Variants in PPP2R3A observed in about 807,000 individuals in gnomAD.
PPP2R3A encodes serine/threonine-protein phosphatase 2A regulatory subunit B'' subunit alpha.
A neutral mutation model predicts 106.9 loss-of-function variants in PPP2R3A; 80 were observed. The ratio of observed to expected loss-of-function variants is 0.75; its 90% CI spans 0.62 to 0.90. The LOEUF (loss-of-function observed/expected upper bound fraction) is 0.90, where lower values mean the gene tolerates loss of function less well. Among genes scored for constraint, PPP2R3A ranks in the 40% least tolerant of loss-of-function variants. The pLI is 0.00. For synonymous variants in PPP2R3A, 483 were observed against 468.3 expected (o/e 1.03, Z -0.41); for missense variants, 1,386 against 1,350.4 (o/e 1.03, Z -0.41).
At chr3:135,983,955 CT>C (rs566911173) in intron 1 of PPP2R3A, among the ~76,000 whole-genome samples, 88 of 152,202 alleles carry the variant, frequency 5.8e-4, no homozygotes, top group Non-Finnish European at 3.2e-4. Flanking sequence ...TCTGTTATGA[CT>C]TTTTTTATAG....
chr3:136,069,251 A>G (rs549667775), intron 5 of PPP2R3A, among the ~76,000 whole-genome samples: 7 of 152,298 alleles, frequency 4.6e-5, no homozygotes, highest in African/African-American at 1.7e-4. Context: ...AAATTTTTCT[A>G]TAATAATTTT....
At chr3:136,099,924 A>AG in intron 10 of PPP2R3A, among the ~76,000 whole-genome samples, 1 of 151,888 alleles carries the variant, frequency 6.6e-6, no homozygotes, top group Non-Finnish European at 1.5e-5. Context: ...TCTTAAAAAA[A>AG]AAAAAAAAAG....
In PPP2R3A at chr3:136,145,024, TTTTGC is replaced by T. The variant is rs779443548; in HGVS notation, c.3330-14_3330-10del. 2.5e-6 allele frequency: 4 copies of T among 1,602,560 alleles called. No individual in the cohort carries two copies. The South Asian group carries it at 4.5e-5, about 18-fold the overall frequency. ...TTAATCAATCAATCAGTTAATTCAC[TTTTGC>T]TTTGTTATTTCAGCTTTGAAGATTA... On this transcript the variant is annotated splice_polypyrimidine_tract_variant and intron_variant, in intron 13 of 13. Coordinates refer to ENST00000264977, the MANE Select transcript of PPP2R3A (RefSeq NM_002718.5).
intron 1 of PPP2R3A, among the ~76,000 whole-genome samples, chr3:135,997,889 C>G (rs1020461935): frequency 6.6e-6 from 1 of 152,206 alleles, no homozygotes; most frequent in African/African-American, 2.4e-5. Context: ...TAATCGATTT[C>G]TAGGTCTTCA....
chr3:136,078,314 G>A, intron 6 of PPP2R3A, 53 bp from the exon 7 acceptor site: 1 of 1,254,814 alleles, frequency 8.0e-7, no homozygotes, highest in Middle Eastern at 1.9e-4. Context: ...CTTTGAGAAA[G>A]TAGTGGAGAT....
At chr3:136,013,082 A>G (rs1378397740) in intron 2 of PPP2R3A, among the ~76,000 whole-genome samples, 1 of 152,012 alleles carries the variant, frequency 6.6e-6, no homozygotes, top group African/African-American at 2.4e-5. Flanking sequence ...CACCTACAAT[A>G]GTAGTCTCCA....
chr3:136,086,081 T>C, intron 8 of PPP2R3A, among the ~76,000 whole-genome samples: 1 of 151,152 alleles, frequency 6.6e-6, no homozygotes, highest in Non-Finnish European at 1.5e-5. Flanking sequence ...CAGTGAGCCA[T>C]GATGGTGCTG....
intron 2 of PPP2R3A, among the ~76,000 whole-genome samples, chr3:136,007,220 C>T (rs186558718): frequency 4.9e-4 from 74 of 152,286 alleles, no homozygotes; most frequent in Admixed American, 4.1e-3. Flanking sequence ...GGCTACTAGC[C>T]TCTGTTGGCC....
intron 13 of PPP2R3A, 72 bp downstream of exon 13, chr3:136,106,394 T>C: frequency 7.8e-7 from 1 of 1,287,442 alleles, no homozygotes; most frequent in African/African-American, 1.5e-5. Flanking sequence ...AAAACCCCCT[T>C]ACAAAATCCT....
chr3:136,037,437 G>A (rs1410549355), intron 3 of PPP2R3A, among the ~76,000 whole-genome samples: 2 of 152,206 alleles, frequency 1.3e-5, no homozygotes, highest in Non-Finnish European at 2.9e-5. Flanking sequence ...TGGGCCAAAG[G>A]ATTCATCATG....
chr3:136,072,978 T>C (rs1449209537), intron 6 of PPP2R3A, among the ~76,000 whole-genome samples: 2 of 151,936 alleles, frequency 1.3e-5, no homozygotes, highest in African/African-American at 4.8e-5. Flanking sequence ...TTTGTTTGGG[T>C]TTTTTTTGAG....
At chr3:136,061,486 G>A (rs573877837) in intron 5 of PPP2R3A, among the ~76,000 whole-genome samples, 1 of 152,048 alleles carries the variant, frequency 6.6e-6, no homozygotes, top group Admixed American at 6.6e-5. Flanking sequence ...AAATTAGCCG[G>A]GTGTGGTGGC....
intron 2 of PPP2R3A, chr3:136,022,663 A>T: frequency 1.5e-6 from 1 of 679,000 alleles, no homozygotes; most frequent in Non-Finnish European, 1.8e-6. Flanking sequence ...AGTTAGCATT[A>T]TCTGAGAAGG....
intron 5 of PPP2R3A, among the ~76,000 whole-genome samples, chr3:136,058,983 A>G (rs2107883376): frequency 6.6e-6 from 1 of 152,378 alleles, no homozygotes; most frequent in East Asian, 1.9e-4. Flanking sequence ...ATATACAAAA[A>G]TTAACTCAAG....
chr3:136,127,851 C>T (rs1324231187), intron 13 of PPP2R3A, among the ~76,000 whole-genome samples: 2 of 152,086 alleles, frequency 1.3e-5, no homozygotes, highest in African/African-American at 4.8e-5. Context: ...AGAGTGGGGG[C>T]CAATATTCAA....
intron 10 of PPP2R3A, among the ~76,000 whole-genome samples, chr3:136,095,026 C>T (rs1267673578): frequency 6.6e-6 from 1 of 152,164 alleles, no homozygotes; most frequent in Non-Finnish European, 1.5e-5. Context: ...CTGCAGATGC[C>T]CCAAGGGAAA....
chr3:136,140,844 A>AGG, intron 13 of PPP2R3A, among the ~76,000 whole-genome samples: 1 of 152,054 alleles, frequency 6.6e-6, no homozygotes, highest in South Asian at 2.1e-4. Flanking sequence ...TGGGAGGCGG[A>AGG]GGGTGCAGTG....
chr3:136,061,945 A>C (rs995461217), intron 5 of PPP2R3A, among the ~76,000 whole-genome samples: 2 of 151,746 alleles, frequency 1.3e-5, no homozygotes, highest in Non-Finnish European at 2.9e-5. Context: ...AAAAAAAAAA[A>C]ACACTGAGTC....
intron 5 of PPP2R3A, chr3:136,055,509 A>C: frequency 8.3e-7 from 1 of 1,198,736 alleles, no homozygotes; most frequent in Non-Finnish European, 1.2e-6. Flanking sequence ...TGGAGATTAC[A>C]GGTTCTATCG....
Sources: allele counts gnomAD v4.1 joint callset (sites outside exome capture counted in the v4.1 genomes callset), GRCh38; gene constraint gnomAD v4.1.1; transcripts MANE v1.5; gene names NCBI Gene and HGNC (gene_info 2026-07-23, HGNC 2026-07-21).